DPH6: variants seen among roughly 807,000 people sequenced by gnomAD.
DPH6 encodes the protein diphthamine biosynthesis 6, also known as diphthine--ammonia ligase.
A neutral mutation model predicts 38.2 loss-of-function variants in DPH6; 33 were observed. The observed-to-expected ratio is 0.86, with a 90% CI of 0.65 to 1.15. DPH6 has a LOEUF of 1.15. Ranked by LOEUF, DPH6 falls within the 50% of genes most tolerant of loss-of-function variation. DPH6 has a pLI of 0.00. For missense variants in DPH6, 325 were observed against 320.0 expected, an observed-to-expected ratio of 1.02 and a Z score of -0.12; for synonymous variants, 108 against 103.0, an observed-to-expected ratio of 1.05 and a Z score of -0.30.
In DPH6 at chr15:35,371,509, A is replaced by G; in HGVS notation, c.*641T>C. 1.1e-6 allele frequency: 1 copy of G among 907,514 alleles called. No individual in the cohort carries two copies. The highest frequency in any genetic ancestry group is 1.3e-6 in the Non-Finnish European group (1 of 759,250). 56.2% of individuals were successfully genotyped at this position (907,514 alleles called of 1,614,324 possible). A position where few individuals can be genotyped will look rare whatever the true frequency, so the allele number is the denominator to read the frequency against. On this transcript the variant is annotated 3_prime_UTR_variant, in exon 9 of 9. Coordinates refer to ENST00000256538, the MANE Select transcript of DPH6 (RefSeq NM_080650.4). ...TCTGCTCCATTTTTGCTGTGAACCT[A>G]AAACTGTTCTAAAACATAAAGTCTA... is the stretch of plus-strand genomic sequence containing the variant.
At chr15:35,386,092 A>T (rs1185743325) in intron 6 of DPH6, among the ~76,000 whole-genome samples, 1 of 151,918 alleles carries the variant, frequency 6.6e-6, no homozygotes, top group Admixed American at 6.6e-5. Flanking sequence ...GTGAGAACAT[A>T]TGGTGTTTGG....
At chr15:35,223,629 T>C (rs2140386456) in intron 3 of DPH6, among the ~76,000 whole-genome samples, 1 of 151,904 alleles carries the variant, frequency 6.6e-6, no homozygotes, top group East Asian at 1.9e-4. Context: ...GAGCTTGCAG[T>C]GAGCGGAGAT....
the DPH6 span, among the ~76,000 whole-genome samples, chr15:35,155,640 G>T: frequency 6.6e-6 from 1 of 152,192 alleles, no homozygotes; most frequent in Admixed American, 6.5e-5. Context: ...CACATGCTAA[G>T]ATGACATTTA....
At chr15:35,383,370 A>T (rs1422092101) in intron 6 of DPH6, among the ~76,000 whole-genome samples, 1 of 152,238 alleles carries the variant, frequency 6.6e-6, no homozygotes, top group African/African-American at 2.4e-5. Flanking sequence ...TTCACATAAA[A>T]TATTTCTATC....
chr15:35,361,359 T>A (rs898129575), intron 3 of DPH6, among the ~76,000 whole-genome samples: 1 of 152,212 alleles, frequency 6.6e-6, no homozygotes, highest in Non-Finnish European at 1.5e-5. Flanking sequence ...ATCTTGCCTA[T>A]GTCACTCTCT....
At chr15:35,425,788 C>CAT (rs529568565) in intron 5 of DPH6, among the ~76,000 whole-genome samples, 272 of 140,478 alleles carry the variant, frequency 1.9e-3, no homozygotes, top group Non-Finnish European at 2.6e-3. Flanking sequence ...CCATGTATAT[C>CAT]ATATATATAT....
chr15:35,464,886 T>C (rs1334485303), intron 3 of DPH6, among the ~76,000 whole-genome samples: 2 of 152,236 alleles, frequency 1.3e-5, no homozygotes, highest in Non-Finnish European at 2.9e-5. Context: ...GTTATTCATA[T>C]GCAAATTTCT....
At chr15:35,208,312 A>T in the DPH6 span, among the ~76,000 whole-genome samples, 2 of 152,206 alleles carry the variant, frequency 1.3e-5, no homozygotes, top group Admixed American at 6.5e-5. Context: ...TTCTCTATCA[A>T]TCGAAGAAAG....
chr15:35,449,020 C>CT lies in DPH6; in HGVS notation c.505+1664dup, dbSNP rs35545124. 7.1e-3 allele frequency among the ~76,000 whole-genome samples: 1,007 copies of CT among 141,788 alleles called. 17 individuals carry two copies. The highest frequency in any genetic ancestry group is 0.025 in the African/African-American group (954 of 38,908). 93.0% of individuals were successfully genotyped at this position (141,788 alleles called of 152,430 possible). A position where few individuals can be genotyped will look rare whatever the true frequency, so the allele number is the denominator to read the frequency against. ...TTTTGCTTAAATCCAAAAAAAGTCC[C>CT]TTTTTTTTGGCTTAAATCCATTTAA... On this transcript the variant is annotated intron_variant, in intron 5 of 8. Transcript: ENST00000256538.
chr15:35,152,054 T>C, the DPH6 span, among the ~76,000 whole-genome samples: 2 of 152,252 alleles, frequency 1.3e-5, no homozygotes, highest in Admixed American at 1.3e-4. Flanking sequence ...AGTGTACATA[T>C]AGCTCACATT....
intron 3 of DPH6, among the ~76,000 whole-genome samples, chr15:35,353,240 T>A (rs1219380937): frequency 6.6e-6 from 1 of 152,212 alleles, no homozygotes; most frequent in Non-Finnish European, 1.5e-5. Flanking sequence ...GCCTGTTCAC[T>A]CTGATGGTAG....
chr15:35,443,006 A>T (rs2053807540), intron 5 of DPH6, among the ~76,000 whole-genome samples: 1 of 152,218 alleles, frequency 6.6e-6, no homozygotes, highest in Non-Finnish European at 1.5e-5. Context: ...ATTGAATTGT[A>T]CATTTTAAGT....
chr15:35,159,552 A>G, the DPH6 span, among the ~76,000 whole-genome samples: 3 of 152,008 alleles, frequency 2.0e-5, no homozygotes, highest in Admixed American at 1.3e-4. Context: ...AAAAATTAAA[A>G]AAAAATAACA....
At chr15:35,439,882 A>G (rs1235136957) in intron 5 of DPH6, among the ~76,000 whole-genome samples, 1 of 152,204 alleles carries the variant, frequency 6.6e-6, no homozygotes, top group Non-Finnish European at 1.5e-5. Flanking sequence ...TCTTTGCTCC[A>G]CATTACGCAA....
At chr15:35,216,424 ACTTT>A (rs1157843806), downstream of DPH6, among the ~76,000 whole-genome samples, 1 of 152,168 alleles carries the variant, frequency 6.6e-6, no homozygotes, top group Non-Finnish European at 1.5e-5. Context: ...TCTGACTCTC[ACTTT>A]ATTTTCATAT....
intron 8 of DPH6, among the ~76,000 whole-genome samples, chr15:35,373,017 G>A (rs1256679624): frequency 6.6e-6 from 1 of 151,806 alleles, no homozygotes; most frequent in East Asian, 1.9e-4. Flanking sequence ...AAATTTTACT[G>A]TATCTTGACA....
the DPH6 span, among the ~76,000 whole-genome samples, chr15:35,145,310 T>C: frequency 4.6e-5 from 7 of 152,260 alleles, no homozygotes; most frequent in African/African-American, 1.4e-4. Flanking sequence ...CTATCTTTCA[T>C]GTTGGCACTT....
the DPH6 span, among the ~76,000 whole-genome samples, chr15:35,168,491 C>T: frequency 7.9e-5 from 12 of 151,984 alleles, no homozygotes; most frequent in Non-Finnish European, 1.3e-4. Context: ...CACCAGAAAG[C>T]AGTTTTTACT....
At chr15:35,456,457 C>CCA (rs1555403340) in intron 3 of DPH6, among the ~76,000 whole-genome samples, 4 of 144,144 alleles carry the variant, frequency 2.8e-5, no homozygotes, top group Non-Finnish European at 6.1e-5. Flanking sequence ...AGTCAAATTA[C>CCA]TATATATATA....
Sources: gnomAD v4.1 joint callset for allele counts (sites outside exome capture counted in the v4.1 genomes callset) on GRCh38, gnomAD v4.1.1 for gene constraint, MANE v1.5 for transcripts, NCBI Gene and HGNC (gene_info 2026-07-23, HGNC 2026-07-21) for gene names.